The following C16orf46 variants were observed in gnomAD, a reference collection of about 807,000 sequenced individuals.
C16orf46 encodes the protein uncharacterized protein C16orf46.
C16orf46 carries 7 observed loss-of-function variants against 5.5 expected under a neutral mutation model. The observed-to-expected ratio is 1.28, with a 90% CI of 0.73 to 2.40. C16orf46 has a LOEUF of 2.40. C16orf46 is among the 30% of genes most tolerant of loss of function. The pLI, the probability that C16orf46 is intolerant of heterozygous loss-of-function variation, is 0.00. For missense variants in C16orf46, 614 were observed against 476.0 expected, an observed-to-expected ratio of 1.29 and a Z score of -2.70; for synonymous variants, 200 against 184.1, an observed-to-expected ratio of 1.09 and a Z score of -0.70.
chr16:81,061,256 G>C lies in C16orf46; in HGVS notation c.1093C>G (p.Gln365Glu). ...GGGAAAACTTTGGTCTCCAGCATTT[G>C]GGGCCTGTTTTCCTGCTTGGCCTTT... ...LPKAKQENRP[Q>E]MLETKVFPRP... Residue 365 changes from glutamine to glutamate, a missense_variant, in exon 4 of 4, where the codon CAA (glutamine) becomes GAA (glutamate). By Grantham distance (29) the Gln-to-Glu change is conservative (BLOSUM62 2). Coordinates refer to ENST00000299578, the MANE Select transcript of C16orf46 (RefSeq NM_152337.3). 1 of 1,614,112 alleles carries C rather than the reference G, an allele frequency of 6.2e-7. No individual in the cohort carries two copies. Among genetic ancestry groups the C allele is most frequent in the Non-Finnish European group, 8.5e-7 (1 of 1,180,020 alleles).
chr16:81,057,792 G>A (rs1251417208), downstream of C16orf46: 1 of 152,778 alleles, frequency 6.5e-6, no homozygotes, highest in Non-Finnish European at 1.5e-5. Context: ...AGCACTTTGG[G>A]AGGCCAAGGC....
At position 81,061,444 on chromosome 16, in the gene C16orf46, G is replaced by C. The variant is rs1198790700; in HGVS notation, c.905C>G (p.Ser302Cys). ...CGCCAGGTTTTTCTCAGACAGGAGG[G>C]ACCAATGCAGGCAGCGCTGCTCCGG... ...TDPEQRCLHW[S>C]LLSEKNLACP... Residue 302 changes from serine to cysteine, a missense_variant, in exon 4 of 4, where the codon TCC becomes TGC. Ser to Cys is a moderately radical substitution (Grantham distance 112). Coordinates refer to ENST00000299578, the MANE Select transcript of C16orf46 (RefSeq NM_152337.3). 1 of 1,614,176 alleles carries C rather than the reference G, an allele frequency of 6.2e-7. No homozygotes were observed. The highest frequency in any genetic ancestry group is 1.7e-5 in the Admixed American group (1 of 60,026).
downstream of C16orf46, among the ~76,000 whole-genome samples, chr16:81,060,086 C>A (rs1215755823): frequency 6.6e-6 from 1 of 152,002 alleles, no homozygotes; most frequent in Non-Finnish European, 1.5e-5. Context: ...CGGCGCCCGG[C>A]CCCAAAAAGT....
In C16orf46 at chr16:81,062,111, C is replaced by A. The variant is rs145959785; in HGVS notation, c.238G>T (p.Ala80Ser). 922 of 1,598,034 alleles carry A rather than the reference C, an allele frequency of 5.8e-4. 7 individuals carry two copies. The African/African-American group carries it at 0.011, about 19-fold the overall frequency. ...ATCTTCCTCGGCCAGATGCAGGCAG[C>A]TGGAGAAGTCCTTCCCCACCCTTGG... ...AVQGWGRTSP[A>S]ACIWPRKIPK... Residue 80 changes from alanine (A) to serine (S), a missense_variant, in exon 4 of 4, where the codon GCT (alanine) becomes TCT (serine). Transcript: ENST00000299578.
exon 4 of C16orf46, chr16:81,053,858 G>T: frequency 2.0e-6 from 1 of 510,132 alleles, no homozygotes; most frequent in South Asian, 3.5e-5. Context: ...GGCCGGGTTG[G>T]GGAGACCTAA....
chr16:81,072,590 G>C (rs1040528500), intron 1 of C16orf46, among the ~76,000 whole-genome samples: 1 of 152,096 alleles, frequency 6.6e-6, no homozygotes, highest in South Asian at 2.1e-4. Flanking sequence ...CTTCATGTTG[G>C]TCAGGCTGGT....
At chr16:81,053,516 T>C (rs1380791794) in exon 4 of C16orf46, 1 of 152,212 alleles carries the variant, frequency 6.6e-6, no homozygotes, top group East Asian at 1.9e-4. Flanking sequence ...GACAATTTTA[T>C]TTATTGCTTT....
rs188957220 is a variant in C16orf46, at chr16:81,075,202, T to C, written c.-128+1934A>G. 1.1e-3 allele frequency among the ~76,000 whole-genome samples: 171 copies of C among 152,008 alleles called. 1 individual carries two copies. The highest frequency in any genetic ancestry group is 3.9e-3 in the African/African-American group (160 of 41,474). On this transcript the variant is annotated intron_variant, in intron 1 of 3. Coordinates refer to ENST00000299578, the MANE Select transcript of C16orf46 (RefSeq NM_152337.3). Reference sequence around the variant, plus strand: ...CCAGATCCATCCATTTAGATAGTCTTTTTTTTTAGAGGAACCTACCAAGAG... The same window carrying C: ...CCAGATCCATCCATTTAGATAGTCTCTTTTTTTAGAGGAACCTACCAAGAG...
chr16:81,073,328 T>C (rs1971918139), intron 1 of C16orf46, among the ~76,000 whole-genome samples: 2 of 152,180 alleles, frequency 1.3e-5, no homozygotes, highest in African/African-American at 2.4e-5. Flanking sequence ...AATTCTAAGA[T>C]ACAACTCTGA....
downstream of C16orf46, among the ~76,000 whole-genome samples, chr16:81,057,675 G>GGTT (rs58235937): frequency 4.3e-4 from 65 of 151,380 alleles, no homozygotes; most frequent in African/African-American, 1.0e-3. Flanking sequence ...AGTTCATTTA[G>GGTT]GTTGTTGTTG....
chr16:81,075,785 C>T (rs545570374), intron 1 of C16orf46, among the ~76,000 whole-genome samples: 1 of 152,324 alleles, frequency 6.6e-6, no homozygotes, highest in African/African-American at 2.4e-5. Context: ...CTTACCGTAG[C>T]TTCCTATACC....
intron 2 of C16orf46, among the ~76,000 whole-genome samples, chr16:81,064,799 C>G (rs1971602005): frequency 6.6e-6 from 1 of 151,570 alleles, no homozygotes; most frequent in Admixed American, 6.6e-5. Context: ...AGATGGCCAT[C>G]TACAAGCCAA....
intron 3 of C16orf46, among the ~76,000 whole-genome samples, chr16:81,062,733 T>G (rs1597141815): frequency 6.6e-6 from 1 of 152,048 alleles, no homozygotes; most frequent in African/African-American, 2.4e-5. Context: ...CTGGCTGATC[T>G]TGCCACAGAG....
intron 1 of C16orf46, among the ~76,000 whole-genome samples, chr16:81,074,751 C>T (rs1209708543): frequency 2.0e-5 from 3 of 151,314 alleles, no homozygotes; most frequent in Non-Finnish European, 2.9e-5. Flanking sequence ...TTTTTTTTCA[C>T]ATGAATGGCT....
At chr16:81,053,959 T>G in exon 4 of C16orf46, 1 of 1,175,672 alleles carries the variant, frequency 8.5e-7, no homozygotes, top group Non-Finnish European at 1.3e-6. Context: ...CGTTTGACTC[T>G]CTGCTTTCTG....
chr16:81,066,885 G>GGA (rs1971670368), intron 1 of C16orf46, among the ~76,000 whole-genome samples: 1 of 152,188 alleles, frequency 6.6e-6, no homozygotes, highest in South Asian at 2.1e-4. Flanking sequence ...ATGTTGCCAT[G>GGA]GAGACGCATT....
chr16:81,058,716 A>C (rs924764192), downstream of C16orf46, among the ~76,000 whole-genome samples: 1 of 152,210 alleles, frequency 6.6e-6, no homozygotes, highest in Admixed American at 6.5e-5. Context: ...CATTCAGGAA[A>C]AACACAGATC....
At chr16:81,064,746 C>A (rs748525988) in intron 2 of C16orf46, among the ~76,000 whole-genome samples, 4 of 122,246 alleles carry the variant, frequency 3.3e-5, no homozygotes, top group African/African-American at 9.1e-5. Context: ...GACTCTGTCT[C>A]AAAAAAAAAA....
downstream of C16orf46, among the ~76,000 whole-genome samples, chr16:81,059,320 C>CAAAAAAA (rs71143671): frequency 4.3e-5 from 2 of 46,616 alleles, no homozygotes; most frequent in African/African-American, 9.5e-5. Flanking sequence ...GACTCTGTCT[C>CAAAAAAA]AAAAAAAAAA....
Sources: allele counts gnomAD v4.1 joint callset (sites outside exome capture counted in the v4.1 genomes callset), GRCh38; gene constraint gnomAD v4.1.1; transcripts MANE v1.5; gene names NCBI Gene and HGNC (gene_info 2026-07-23, HGNC 2026-07-21).